Variants in SIDT1 observed in about 807,000 individuals in gnomAD.
SIDT1 encodes the protein SID1 transmembrane family member 1, also known as SID1 transmembrane family, member 1.
Under a neutral mutation model 107.5 loss-of-function variants are expected in SIDT1, and 101 were observed. That is an observed-to-expected ratio of 0.94 (90% CI 0.80 to 1.11). The LOEUF is 1.11. Ranked by LOEUF, SIDT1 falls within the 50% of genes least tolerant of loss-of-function variation. SIDT1 has a pLI of 0.00. For missense variants in SIDT1, 1,076 were observed against 1,058.2 expected, an observed-to-expected ratio of 1.02 and a Z score of -0.23; for synonymous variants, 395 against 398.2, an observed-to-expected ratio of 0.99 and a Z score of 0.10.
intron 7 of SIDT1, 59 bp downstream of exon 7, chr3:113,583,555 G>A: frequency 7.5e-7 from 1 of 1,330,522 alleles, no homozygotes. Flanking sequence ...GGGAGTGAAA[G>A]GGAAGCTGAA....
rs976559506 is a variant in SIDT1 at position 113,628,844 on chromosome 3, C to T, written c.*1136C>T. 1.3e-5 allele frequency: 2 copies of T among 152,230 alleles called. No homozygotes were observed. Among genetic ancestry groups the T allele is most frequent in the African/African-American group, 2.4e-5 (1 of 41,452 alleles). 9.4% of individuals were successfully genotyped at this position (152,230 alleles called of 1,614,324 possible). A position where few individuals can be genotyped will look rare whatever the true frequency, so the allele number is the denominator to read the frequency against. ...GATGAACGTATTGTCCTCTTCCCCT[C>T]TTCTTGCAAAGTGCACAGCTAATCT... On this transcript the variant is annotated 3_prime_UTR_variant, in exon 25 of 25. Transcript: ENST00000264852.
intron 9 of SIDT1, among the ~76,000 whole-genome samples, chr3:113,586,058 C>T (rs1943720957): frequency 6.6e-6 from 1 of 152,170 alleles, no homozygotes. Flanking sequence ...GCAAAATGAA[C>T]TCCATCCATG....
At chr3:113,578,758 G>A (rs148734769) in intron 4 of SIDT1, among the ~76,000 whole-genome samples, 4 of 152,238 alleles carry the variant, frequency 2.6e-5, no homozygotes, top group African/African-American at 4.8e-5. Flanking sequence ...AGGAGGCTGA[G>A]GCAGAAGGAT....
Position 113,629,258 on chromosome 3 carries a change from T to C in SIDT1, c.*1550T>C, listed in dbSNP as rs1474530611. Reference sequence around the variant, plus strand: ...TTGCTTTCAATGAAATATTTTGTGATTTTTTTAAAGTCCCCAAATGTGTAC... The same window carrying C: ...TTGCTTTCAATGAAATATTTTGTGACTTTTTTAAAGTCCCCAAATGTGTAC... On this transcript the variant is annotated 3_prime_UTR_variant, in exon 25 of 25. Transcript: ENST00000264852. 1.3e-5 allele frequency: 2 copies of C among 152,236 alleles called. No individual in the cohort carries two copies. The highest frequency in any genetic ancestry group is 6.5e-5 in the Admixed American group (1 of 15,292). The allele number at this position is 152,236 out of a possible 1,614,324, so 9.4% of individuals were successfully genotyped here. A position where few individuals can be genotyped will look rare whatever the true frequency, so the allele number is the denominator to read the frequency against.
In SIDT1 at chr3:113,533,149, C is replaced by T; in HGVS notation, c.128C>T (p.Ala43Val). 6.3e-7 allele frequency: 1 copy of T among 1,577,898 alleles called. No homozygotes were observed. The highest frequency in any genetic ancestry group is 8.6e-7 in the Non-Finnish European group (1 of 1,163,810). ...PAPRRDPFDA[A>V]RGADFDHVYS... ...CCGCGCCGCGACCCCTTCGACGCTG[C>T]CAGGGGCGCCGATTTCGATCATGTC... is the stretch of plus-strand genomic sequence containing the variant. Residue 43 changes from alanine to valine, a missense_variant, in exon 1 of 25, where the codon GCC (alanine) becomes GTC (valine). Ala to Val is a moderately conservative substitution (Grantham distance 64). Coordinates refer to ENST00000264852, the MANE Select transcript of SIDT1 (RefSeq NM_017699.3).
rs1441602708 is a variant in SIDT1 at position 113,532,971 on chromosome 3, C to G, written c.-51C>G. The G allele has an allele frequency of 8.2e-7, 1 of 1,226,534 alleles. No individual in the cohort carries two copies. The highest frequency in any genetic ancestry group is 1.6e-5 in the African/African-American group (1 of 62,554). 76.0% of individuals were successfully genotyped at this position (1,226,534 alleles called of 1,614,324 possible). The stretch of plus-strand genomic sequence containing the variant: ...GCTTTGGAAGGACCCTCTCTGCGCT[C>G]GCCCCCTCCCCAGGGTGGCTCCGCT... On this transcript the variant is annotated 5_prime_UTR_variant, in exon 1 of 25. Transcript: ENST00000264852.
Position 113,601,659 on chromosome 3 carries a change from G to A in SIDT1, c.1117G>A (p.Asp373Asn), listed in dbSNP as rs761219437. 26 of 1,604,034 alleles carry A rather than the reference G, an allele frequency of 1.6e-5. No homozygotes were observed. The highest frequency in any genetic ancestry group is 2.1e-5 in the Non-Finnish European group (25 of 1,171,040). ...TPEGSNYGTI[D>N]ESSSSPGRQM... is the part of the protein sequence containing the mutation. ...CGAAGGGAGCAATTATGGGACAATAGGTATGTCCTACCAGGTCTGTTCATG... is the reference window on the plus strand; with the variant it reads ...CGAAGGGAGCAATTATGGGACAATAAGTATGTCCTACCAGGTCTGTTCATG... Residue 373 changes from aspartate to asparagine, a missense_variant and splice_region_variant, in exon 11 of 25, where the codon GAT becomes AAT. Transcript: ENST00000264852.
chr3:113,548,060 A>G (rs1939796777), intron 1 of SIDT1, among the ~76,000 whole-genome samples: 1 of 152,120 alleles, frequency 6.6e-6, no homozygotes, highest in Non-Finnish European at 1.5e-5. Flanking sequence ...TGGACCTTCA[A>G]GAGCATAAAT....
intron 3 of SIDT1, among the ~76,000 whole-genome samples, chr3:113,571,096 T>C (rs1417786766): frequency 2.0e-5 from 3 of 152,252 alleles, no homozygotes; most frequent in Admixed American, 2.0e-4. Context: ...TCTCTAAATA[T>C]GTCTCTCAAT....
chr3:113,538,179 G>T (rs1182258767), intron 1 of SIDT1, among the ~76,000 whole-genome samples: 1 of 152,202 alleles, frequency 6.6e-6, no homozygotes, highest in Non-Finnish European at 1.5e-5. Context: ...TCCTATTGGG[G>T]ATTAAGTTTC....
intron 7 of SIDT1, among the ~76,000 whole-genome samples, chr3:113,583,804 G>T (rs1943543242): frequency 6.6e-6 from 1 of 152,176 alleles, no homozygotes; most frequent in South Asian, 2.1e-4. Flanking sequence ...CTACCATGAA[G>T]TAATGATCTT....
At chr3:113,623,588 G>A (rs758408284) in intron 22 of SIDT1, 35 bp from the exon 23 acceptor site, 6 of 1,600,226 alleles carry the variant, frequency 3.7e-6, no homozygotes, top group African/African-American at 1.3e-5. Context: ...CGAAGGCGGG[G>A]TCGCGTGAGG....
chr3:113,565,540 AAGAG>A (rs1941821662), intron 1 of SIDT1, among the ~76,000 whole-genome samples: 1 of 152,186 alleles, frequency 6.6e-6, no homozygotes, highest in African/African-American at 2.4e-5. Flanking sequence ...AAGAAAAAAA[AAGAG>A]AGAGAGGAAG....
At chr3:113,601,304 T>G (rs1276504631) in intron 10 of SIDT1, 2 of 270,172 alleles carry the variant, frequency 7.4e-6, no homozygotes, top group African/African-American at 2.2e-5. Flanking sequence ...ATACTGAAAT[T>G]TGAATTTCGT....
In SIDT1 at chr3:113,567,637, G is replaced by C; in HGVS notation, c.442G>C (p.Asp148His). ...TGPLQQLIFV[D>H]VASMAPLGAQ... ...ACCCTTGCAGCAACTGATATTTGTA[G>C]ATGTCGCATCCATGGCACCCCTGGG... Residue 148 changes from aspartate to histidine, a missense_variant, in exon 3 of 25, where the codon GAT becomes CAT. By Grantham distance (81) the Asp-to-His change is moderately conservative (BLOSUM62 -1). Transcript: ENST00000264852. 1 of 1,614,128 alleles carries C rather than the reference G, an allele frequency of 6.2e-7. No homozygotes were observed. Among genetic ancestry groups the C allele is most frequent in the Non-Finnish European group, 8.5e-7 (1 of 1,180,006 alleles).
At chr3:113,619,457 T>G (rs1210260790) in intron 20 of SIDT1, among the ~76,000 whole-genome samples, 1 of 152,242 alleles carries the variant, frequency 6.6e-6, no homozygotes, top group Non-Finnish European at 1.5e-5. Flanking sequence ...TCACCACATT[T>G]TCTTTCTCAG....
intron 1 of SIDT1, among the ~76,000 whole-genome samples, chr3:113,550,395 G>A (rs1218094556): frequency 6.6e-6 from 1 of 152,152 alleles, no homozygotes; most frequent in Non-Finnish European, 1.5e-5. Context: ...AGGTGCTAGA[G>A]GGCTGATCTC....
At chr3:113,592,754 A>G (rs976642341) in intron 9 of SIDT1, 2 of 399,002 alleles carry the variant, frequency 5.0e-6, no homozygotes, top group African/African-American at 4.1e-5. Context: ...CGCCCAGCTA[A>G]TTTTTGTATT....
intron 1 of SIDT1, 90 bp downstream of exon 1, chr3:113,533,333 T>A: frequency 9.6e-7 from 1 of 1,046,344 alleles, no homozygotes; most frequent in Non-Finnish European, 1.3e-6. Context: ...GAATTGACCT[T>A]GGGAGACTTC....
Sources: gnomAD v4.1 joint callset for allele counts (sites outside exome capture counted in the v4.1 genomes callset) on GRCh38, gnomAD v4.1.1 for gene constraint, MANE v1.5 for transcripts, NCBI Gene and HGNC (gene_info 2026-07-23, HGNC 2026-07-21) for gene names.